The following PHYHIPL variants were observed in gnomAD, a reference collection of about 807,000 sequenced individuals.
The protein encoded by PHYHIPL is phytanoyl-CoA hydroxylase-interacting protein-like.
In PHYHIPL, 9 loss-of-function variants were observed where a neutral mutation model predicts 33.4. The observed-to-expected ratio is 0.27, with a 90% CI of 0.16 to 0.47. PHYHIPL has a LOEUF of 0.47. Ranked by LOEUF, PHYHIPL falls within the 20% of genes least tolerant of loss-of-function variation. The pLI is 0.99. For missense variants in PHYHIPL, 365 were observed against 460.7 expected (o/e 0.79, Z 1.90); for synonymous variants, 153 against 154.1 (o/e 0.99, Z 0.05).
intron 1 of PHYHIPL, among the ~76,000 whole-genome samples, chr10:59,215,585 T>G (rs1839592241): frequency 6.6e-6 from 1 of 151,944 alleles, no homozygotes; most frequent in South Asian, 2.1e-4. Flanking sequence ...TCTTACACTC[T>G]GGTGGGAAAA....
intron 4 of PHYHIPL, among the ~76,000 whole-genome samples, chr10:59,239,650 G>A (rs1419954926): frequency 6.6e-6 from 1 of 152,018 alleles, no homozygotes; most frequent in African/African-American, 2.4e-5. Context: ...TTCCTGAGAA[G>A]TTAAAAGAAC....
chr10:59,225,376 A>G (rs1839897528), intron 1 of PHYHIPL, among the ~76,000 whole-genome samples: 1 of 151,746 alleles, frequency 6.6e-6, no homozygotes, highest in African/African-American at 2.4e-5. Context: ...TGAAGGATGG[A>G]CAGCTAGCAA....
upstream of PHYHIPL, among the ~76,000 whole-genome samples, chr10:59,174,407 A>G (rs895428760): frequency 7.2e-5 from 11 of 152,342 alleles, no homozygotes; most frequent in Non-Finnish European, 1.3e-4. Context: ...TTGGTCCACC[A>G]GGCCTAGCCT....
At chr10:59,230,732 T>G (rs1840054132) in intron 1 of PHYHIPL, among the ~76,000 whole-genome samples, 1 of 152,162 alleles carries the variant, frequency 6.6e-6, no homozygotes, top group African/African-American at 2.4e-5. Flanking sequence ...GGGTACAGCT[T>G]GCTTTTATAC....
At chr10:59,193,700 GT>G (rs1246531572) in intron 1 of PHYHIPL, among the ~76,000 whole-genome samples, 1 of 151,840 alleles carries the variant, frequency 6.6e-6, no homozygotes, top group African/African-American at 2.4e-5. Context: ...TGGTTTTTTA[GT>G]TTTTGTATAA....
intron 1 of PHYHIPL, among the ~76,000 whole-genome samples, chr10:59,185,191 C>A (rs946541677): frequency 6.6e-6 from 1 of 151,174 alleles, no homozygotes; most frequent in South Asian, 2.1e-4. Flanking sequence ...GGGGTTTCAC[C>A]GTTTTAGCCG....
At chr10:59,192,914 G>C (rs1454194250) in intron 1 of PHYHIPL, among the ~76,000 whole-genome samples, 1 of 152,088 alleles carries the variant, frequency 6.6e-6, no homozygotes, top group African/African-American at 2.4e-5. Context: ...AATATCTGTG[G>C]AATATCTAGA....
intron 1 of PHYHIPL, among the ~76,000 whole-genome samples, chr10:59,224,085 T>C (rs1839853658): frequency 6.6e-6 from 1 of 152,218 alleles, no homozygotes; most frequent in Admixed American, 6.5e-5. Flanking sequence ...ACTTTTCCGT[T>C]ACTATATATC....
chr10:59,244,994 A>T, intron 4 of PHYHIPL, 63 bp from the exon 5 acceptor site: 7 of 1,511,684 alleles, frequency 4.6e-6, no homozygotes, highest in Non-Finnish European at 6.2e-6. Flanking sequence ...GGCCATTCAA[A>T]TATATAAATC....
intron 1 of PHYHIPL, among the ~76,000 whole-genome samples, chr10:59,197,417 A>G (rs1838949521): frequency 6.6e-6 from 1 of 152,194 alleles, no homozygotes; most frequent in African/African-American, 2.4e-5. Context: ...ATGGACTTTC[A>G]TGAACCTCTT....
At chr10:59,200,237 A>G (rs563691341) in intron 1 of PHYHIPL, among the ~76,000 whole-genome samples, 1 of 152,280 alleles carries the variant, frequency 6.6e-6, no homozygotes, top group South Asian at 2.1e-4. Flanking sequence ...TCCCATCAAT[A>G]TCTAATATAT....
At position 59,247,390 on chromosome 10, in the gene PHYHIPL, C is replaced by T; in HGVS notation, c.*1799C>T. 1 of 520,658 alleles carries T rather than the reference C, an allele frequency of 1.9e-6. No homozygotes were observed. Among genetic ancestry groups the T allele is most frequent in the Admixed American group, 3.8e-5 (1 of 26,340 alleles). 32.3% of individuals were successfully genotyped at this position (520,658 alleles called of 1,614,324 possible). A position where few individuals can be genotyped will look rare whatever the true frequency, so the allele number is the denominator to read the frequency against. ...AGTTTTCTGCTTGGCATGGAGGACA[C>T]TGAATTTTTTCCCAATTATATGGCT... is the stretch of plus-strand genomic sequence containing the variant. On this transcript the variant is annotated 3_prime_UTR_variant, in exon 5 of 5. Transcript: ENST00000373880.
At chr10:59,182,435 T>A (rs1838436241) in intron 1 of PHYHIPL, among the ~76,000 whole-genome samples, 1 of 152,134 alleles carries the variant, frequency 6.6e-6, no homozygotes, top group Admixed American at 6.5e-5. Flanking sequence ...CTCCGCCTTC[T>A]GGTTTCACGT....
At chr10:59,214,016 T>C (rs562160901) in intron 1 of PHYHIPL, among the ~76,000 whole-genome samples, 1 of 152,236 alleles carries the variant, frequency 6.6e-6, no homozygotes, top group Admixed American at 6.5e-5. Context: ...TGGGGTGATA[T>C]TTCTGATCCA....
At chr10:59,181,620 G>A (rs1838413355) in intron 1 of PHYHIPL, among the ~76,000 whole-genome samples, 1 of 152,020 alleles carries the variant, frequency 6.6e-6, no homozygotes, top group African/African-American at 2.4e-5. Flanking sequence ...CTTTTTCCAA[G>A]GATAGACATG....
rs1489938797 is a variant in PHYHIPL, at chr10:59,245,732, A to G, written c.*141A>G. On this transcript the variant is annotated 3_prime_UTR_variant, in exon 5 of 5. Transcript: ENST00000373880. ...CCAAAACAAACAACTACCACTTTCC[A>G]AATTTCATTCAGAACCATTTTAGTG... 1 of 900,628 alleles carries G rather than the reference A, an allele frequency of 1.1e-6. No homozygotes were observed. Among genetic ancestry groups the G allele is most frequent in the African/African-American group, 1.7e-5 (1 of 59,466 alleles). 55.8% of individuals were successfully genotyped at this position (900,628 alleles called of 1,614,324 possible).
upstream of PHYHIPL, among the ~76,000 whole-genome samples, chr10:59,174,468 C>T (rs1272865104): frequency 3.3e-5 from 5 of 152,094 alleles, no homozygotes; most frequent in African/African-American, 9.6e-5. Flanking sequence ...GACAATGCCT[C>T]GATTTGAAGC....
intron 1 of PHYHIPL, chr10:59,183,586 A>G (rs893206270): frequency 2.4e-5 from 22 of 912,910 alleles, no homozygotes; most frequent in Admixed American, 1.2e-4. Flanking sequence ...GTCACATCCA[A>G]CTTTAAACAA....
At chr10:59,182,883 C>G (rs1452134660) in intron 1 of PHYHIPL, among the ~76,000 whole-genome samples, 1 of 152,004 alleles carries the variant, frequency 6.6e-6, no homozygotes, top group Non-Finnish European at 1.5e-5. Flanking sequence ...GATTTTAAGT[C>G]TGGGAAATCT....
Sources: allele counts gnomAD v4.1 joint callset (sites outside exome capture counted in the v4.1 genomes callset), GRCh38; gene constraint gnomAD v4.1.1; transcripts MANE v1.5; gene names NCBI Gene and HGNC (gene_info 2026-07-23, HGNC 2026-07-21).